The following ANKS1B variants were observed in gnomAD, a reference collection of about 807,000 sequenced individuals.
ANKS1B encodes ankyrin repeat and sterile alpha motif domain-containing protein 1B.
In ANKS1B, 36 loss-of-function variants were observed where a neutral mutation model predicts 148.3. The observed-to-expected ratio is 0.24, with a 90% CI of 0.19 to 0.32. The LOEUF (loss-of-function observed/expected upper bound fraction) is 0.32, where lower values mean the gene tolerates loss of function less well. Ranked by LOEUF, ANKS1B falls within the 10% of genes least tolerant of loss-of-function variation. The pLI is 1.00. For synonymous variants in ANKS1B, 542 were observed against 560.8 expected, an observed-to-expected ratio of 0.97 and a Z score of 0.47; for missense variants, 1,157 against 1,542.6, an observed-to-expected ratio of 0.75 and a Z score of 4.19.
At chr12:99,480,745 GGT>G (rs2096398006) in intron 10 of ANKS1B, among the ~76,000 whole-genome samples, 1 of 151,642 alleles carries the variant, frequency 6.6e-6, no homozygotes, top group Admixed American at 6.6e-5. Flanking sequence ...GTTGTTTGGT[GGT>G]TTAATTGAAG....
chr12:99,787,200 G>A (rs1602138082), intron 4 of ANKS1B, among the ~76,000 whole-genome samples: 1 of 152,186 alleles, frequency 6.6e-6, no homozygotes, highest in Admixed American at 6.5e-5. Flanking sequence ...TAATCTTCAT[G>A]TGTCATGGGA....
intron 14 of ANKS1B, among the ~76,000 whole-genome samples, chr12:99,211,713 C>T (rs2083369161): frequency 6.6e-6 from 1 of 152,218 alleles, no homozygotes; most frequent in South Asian, 2.1e-4. Flanking sequence ...ATGTTGAACA[C>T]ATGACATCAA....
chr12:99,647,717 G>A (rs192834891), intron 9 of ANKS1B: 2 of 177,004 alleles, frequency 1.1e-5, no homozygotes, highest in African/African-American at 4.7e-5. Flanking sequence ...ACAATGGGTA[G>A]GGGAGGATAA....
intron 8 of ANKS1B, among the ~76,000 whole-genome samples, chr12:99,676,049 T>C (rs932888004): frequency 6.6e-5 from 10 of 152,170 alleles, no homozygotes; most frequent in African/African-American, 1.7e-4. Flanking sequence ...TGGGGGCAGA[T>C]ACCCTCATGC....
At chr12:99,021,122 G>A (rs188734831) in intron 17 of ANKS1B, among the ~76,000 whole-genome samples, 2 of 152,036 alleles carry the variant, frequency 1.3e-5, no homozygotes, top group Admixed American at 6.6e-5. Flanking sequence ...GGTAAGAAAC[G>A]GTAAGAAATT....
In ANKS1B at chr12:98,944,682, A is replaced by G. The variant is rs547949856; in HGVS notation, c.2778+108475T>C. Among the ~76,000 whole-genome samples the G allele has an allele frequency of 3.9e-5, 6 of 152,342 alleles. No individual in the cohort carries two copies. The East Asian group carries it at 9.6e-4, about 24-fold the overall frequency. On this transcript the variant is annotated intron_variant, in intron 17 of 26. Transcript: ENST00000683438. The stretch of plus-strand genomic sequence containing the variant: ...TCCCCTCACTGCCCCTGAAAAAAAG[A>G]AAAATATCCTAAGATGCAAACACTC...
intron 10 of ANKS1B, among the ~76,000 whole-genome samples, chr12:99,481,609 C>G (rs910023648): frequency 6.6e-6 from 1 of 151,820 alleles, no homozygotes; most frequent in East Asian, 1.9e-4. Context: ...CTTTAAGGAA[C>G]CTCCATACTG....
At chr12:99,570,635 G>T (rs2097444790) in intron 9 of ANKS1B, among the ~76,000 whole-genome samples, 1 of 140,508 alleles carries the variant, frequency 7.1e-6, no homozygotes, top group African/African-American at 2.7e-5. Flanking sequence ...GACGGAGCGA[G>T]ACTTCGTCTC....
chr12:98,876,370 T>C (rs1206177151), intron 17 of ANKS1B, among the ~76,000 whole-genome samples: 1 of 152,230 alleles, frequency 6.6e-6, no homozygotes, highest in Non-Finnish European at 1.5e-5. Context: ...TGACCTTCTC[T>C]GAGAAGTCTC....
At chr12:99,651,511 C>T (rs1295032371) in intron 9 of ANKS1B, among the ~76,000 whole-genome samples, 2 of 152,162 alleles carry the variant, frequency 1.3e-5, no homozygotes, top group African/African-American at 4.8e-5. Context: ...AGCATGCTTA[C>T]CACATTGTAG....
At chr12:99,573,937 T>G (rs1032817932) in intron 9 of ANKS1B, among the ~76,000 whole-genome samples, 1 of 152,092 alleles carries the variant, frequency 6.6e-6, no homozygotes, top group Admixed American at 6.6e-5. Flanking sequence ...TTTATCATTT[T>G]TTTCACTTGC....
intron 22 of ANKS1B, among the ~76,000 whole-genome samples, chr12:98,788,148 TA>T (rs2153541721): frequency 6.6e-6 from 1 of 151,168 alleles, no homozygotes; most frequent in East Asian, 1.9e-4. Flanking sequence ...CTCACGCCTG[TA>T]ATCCCAGCAC....
intron 1 of ANKS1B, among the ~76,000 whole-genome samples, chr12:99,953,620 C>A (rs1603486402): frequency 1.3e-5 from 2 of 148,652 alleles, no homozygotes; most frequent in Admixed American, 1.3e-4. Flanking sequence ...AGCAAGAGTA[C>A]AAAAGGAAAG....
chr12:99,604,054 A>G (rs2097829252), intron 9 of ANKS1B, among the ~76,000 whole-genome samples: 1 of 152,112 alleles, frequency 6.6e-6, no homozygotes, highest in Non-Finnish European at 1.5e-5. Context: ...AGTTGCTTGC[A>G]AAAACTTTTC....
intron 17 of ANKS1B, among the ~76,000 whole-genome samples, chr12:98,892,286 G>A (rs1371277859): frequency 1.3e-5 from 2 of 152,148 alleles, no homozygotes; most frequent in African/African-American, 4.8e-5. Context: ...AACCTACTTC[G>A]AAACACACGG....
chr12:99,854,149 C>A lies in ANKS1B; in HGVS notation c.135-28760G>T, dbSNP rs1408405376. Among the ~76,000 whole-genome samples, 3 of 152,134 alleles carry A rather than the reference C, an allele frequency of 2.0e-5. No homozygotes were observed. In the East Asian group the frequency reaches 5.8e-4, roughly 29 times the overall value. ...GCCTCAGCCTCCCGAGTAGCTGGGA[C>A]TACAGGTGCCCACCACCGCGCCCAG... On this transcript the variant is annotated intron_variant, in intron 1 of 26. Transcript: ENST00000683438.
rs191596201 is a variant in ANKS1B at position 99,972,395 on chromosome 12, A to T, written c.134+11709T>A. 1.5e-3 allele frequency among the ~76,000 whole-genome samples: 231 copies of T among 152,362 alleles called. 2 individuals are homozygous for T. The highest frequency in any genetic ancestry group is 5.3e-3 in the African/African-American group (220 of 41,588). On this transcript the variant is annotated intron_variant, in intron 1 of 26. Coordinates refer to ENST00000683438, the MANE Select transcript of ANKS1B (RefSeq NM_001352186.2). ...GGAAATGAAAAGTGCTACTCCAGTG[A>T]ACACATGAATGATAAGAAAGCCGAA...
chr12:98,902,318 C>T (rs1370073148), intron 17 of ANKS1B, among the ~76,000 whole-genome samples: 1 of 152,170 alleles, frequency 6.6e-6, no homozygotes, highest in African/African-American at 2.4e-5. Flanking sequence ...TTGGTAAGTA[C>T]CTCATCCTTC....
At chr12:99,053,401 G>T in intron 16 of ANKS1B, 92 bp from the exon 17 acceptor site, 1 of 1,002,164 alleles carries the variant, frequency 1.0e-6, no homozygotes, top group Non-Finnish European at 1.4e-6. Context: ...TATTTGACAT[G>T]AAGAACAGAT....
Sources: gnomAD v4.1 joint callset for allele counts (sites outside exome capture counted in the v4.1 genomes callset) on GRCh38, gnomAD v4.1.1 for gene constraint, MANE v1.5 for transcripts, NCBI Gene and HGNC (gene_info 2026-07-23, HGNC 2026-07-21) for gene names.